Variants in RYR2 observed in about 807,000 individuals in gnomAD.
RYR2 encodes the protein ryanodine receptor 2.
A neutral mutation model predicts 601.1 loss-of-function variants in RYR2; 227 were observed. The ratio of observed to expected loss-of-function variants is 0.38; its 90% CI spans 0.34 to 0.42. The LOEUF is 0.42. Among genes scored for constraint, RYR2 ranks in the 10% least tolerant of loss-of-function variants. RYR2 has a pLI of 1.00. For missense variants in RYR2, 4,646 were observed against 6,156.5 expected (o/e 0.75, Z 8.21); for synonymous variants, 2,223 against 2,175.1 (o/e 1.02, Z -0.61).
At chr1:237,699,338 G>A (rs543997628) in intron 64 of RYR2, among the ~76,000 whole-genome samples, 201 of 152,232 alleles carry the variant, frequency 1.3e-3, no homozygotes, top group African/African-American at 4.5e-3. Flanking sequence ...GCTTCCAGGC[G>A]TGATATTTGT....
intron 25 of RYR2, among the ~76,000 whole-genome samples, chr1:237,531,334 G>T (rs1235471207): frequency 6.6e-6 from 1 of 152,120 alleles, no homozygotes; most frequent in Non-Finnish European, 1.5e-5. Flanking sequence ...TTTCTCATCT[G>T]CCTGTGGGCA....
At chr1:237,092,623 G>T (rs2148470243) in intron 1 of RYR2, among the ~76,000 whole-genome samples, 1 of 151,154 alleles carries the variant, frequency 6.6e-6, no homozygotes, top group Middle Eastern at 3.4e-3. Context: ...TCCGCCTCCT[G>T]GGTTCAAGTG....
intron 24 of RYR2, among the ~76,000 whole-genome samples, chr1:237,514,534 A>C (rs1302574969): frequency 6.6e-6 from 1 of 152,220 alleles, no homozygotes; most frequent in Non-Finnish European, 1.5e-5. Flanking sequence ...TTACAAATTG[A>C]ATTAGGGGAA....
chr1:237,509,136 A>C (rs1316827416), intron 23 of RYR2, among the ~76,000 whole-genome samples: 1 of 152,130 alleles, frequency 6.6e-6, no homozygotes, highest in Non-Finnish European at 1.5e-5. Flanking sequence ...AGGCCAGTTG[A>C]GGCAACACTG....
chr1:237,740,086 C>T (rs751691905), intron 79 of RYR2, among the ~76,000 whole-genome samples: 72 of 152,226 alleles, frequency 4.7e-4, no homozygotes, highest in Non-Finnish European at 7.8e-4. Context: ...AAAGCCAAAT[C>T]CTGCTACAGG....
intron 101 of RYR2, among the ~76,000 whole-genome samples, chr1:237,825,516 A>C (rs1185559467): frequency 6.6e-6 from 1 of 152,198 alleles, no homozygotes; most frequent in Non-Finnish European, 1.5e-5. Flanking sequence ...AAATTGACTC[A>C]AGATCGATTA....
chr1:237,662,927 C>T (rs1435899089), intron 56 of RYR2, among the ~76,000 whole-genome samples: 1 of 152,258 alleles, frequency 6.6e-6, no homozygotes, highest in East Asian at 1.9e-4. Flanking sequence ...TCTCTGTTTG[C>T]CTCATTAAGT....
intron 33 of RYR2, among the ~76,000 whole-genome samples, chr1:237,594,885 G>GGTTTTTT (rs1675634830): frequency 2.5e-5 from 2 of 79,048 alleles, no homozygotes; most frequent in African/African-American, 1.4e-4. Context: ...AATATCACTG[G>GGTTTTTT]GTTTTTTTTT....
intron 1 of RYR2, among the ~76,000 whole-genome samples, chr1:237,169,849 G>C (rs1170811542): frequency 8.0e-6 from 1 of 125,302 alleles, no homozygotes; most frequent in East Asian, 2.1e-4. Context: ...TAAGCATGTG[G>C]ATCTCCTATC....
rs2543040 is a variant in RYR2, at chr1:237,344,804, T to C, written c.274-11161T>C. ...ACTAGTAGCTTTATAGTAAGTCTTT[T>C]TTATTTATTTATTTATTTTTTGAGA... On this transcript the variant is annotated intron_variant, in intron 3 of 104. Transcript: ENST00000366574. 8.3e-3 allele frequency among the ~76,000 whole-genome samples: 1,268 copies of C among 152,136 alleles called. 23 individuals are homozygous for C. The highest frequency in any genetic ancestry group is 0.029 in the African/African-American group (1,213 of 41,520).
intron 13 of RYR2, 67 bp from the exon 14 acceptor site, chr1:237,445,333 AC>A (rs1708234573): frequency 1.3e-6 from 2 of 1,595,346 alleles, no homozygotes; most frequent in Non-Finnish European, 8.6e-7. Flanking sequence ...GTTTGAGTAC[AC>A]ATCTCCCTAA....
At chr1:237,532,760 T>C (rs560922101) in intron 25 of RYR2, among the ~76,000 whole-genome samples, 1 of 152,224 alleles carries the variant, frequency 6.6e-6, no homozygotes, top group Non-Finnish European at 1.5e-5. Context: ...TGTGTGTGTA[T>C]GTATTTGGGA....
chr1:237,430,489 G>A (rs1706697316), intron 12 of RYR2, among the ~76,000 whole-genome samples: 2 of 151,882 alleles, frequency 1.3e-5, no homozygotes, highest in African/African-American at 4.8e-5. Context: ...TGGTAGTTGT[G>A]GAAGGATATA....
chr1:237,156,953 C>T (rs1375718275), intron 1 of RYR2, among the ~76,000 whole-genome samples: 1 of 152,142 alleles, frequency 6.6e-6, no homozygotes, highest in Non-Finnish European at 1.5e-5. Flanking sequence ...TAAAGTAGTA[C>T]AGCCACTGTG....
At chr1:237,399,093 C>T (rs983986555) in intron 10 of RYR2, among the ~76,000 whole-genome samples, 2 of 152,044 alleles carry the variant, frequency 1.3e-5, no homozygotes, top group African/African-American at 4.8e-5. Flanking sequence ...TACACAGGAG[C>T]CTGAGGCAGT....
At chr1:237,594,196 C>T (rs1675547257) in intron 33 of RYR2, among the ~76,000 whole-genome samples, 1 of 152,114 alleles carries the variant, frequency 6.6e-6, no homozygotes, top group Admixed American at 6.5e-5. Flanking sequence ...TCAAACCAAA[C>T]CTTCAAAAAA....
intron 12 of RYR2, among the ~76,000 whole-genome samples, chr1:237,432,841 T>C (rs4330910): frequency 0.82 from 123,882 of 151,178 alleles, 50,993 homozygotes; most frequent in East Asian, 1. Context: ...TCTGGATAAC[T>C]TACTTCCTTT....
chr1:237,170,248 T>G (rs1572083408), intron 1 of RYR2, among the ~76,000 whole-genome samples: 2 of 152,290 alleles, frequency 1.3e-5, no homozygotes, highest in East Asian at 3.9e-4. Context: ...GTCATAATGA[T>G]GAAAAGGAGC....
intron 1 of RYR2, among the ~76,000 whole-genome samples, chr1:237,124,784 G>A (rs1384431509): frequency 2.6e-5 from 4 of 151,914 alleles, no homozygotes; most frequent in African/African-American, 9.7e-5. Context: ...TTGGTGGGGG[G>A]CGCGGGGGGC....
Sources: allele counts gnomAD v4.1 joint callset (sites outside exome capture counted in the v4.1 genomes callset), GRCh38; gene constraint gnomAD v4.1.1; transcripts MANE v1.5; gene names NCBI Gene and HGNC (gene_info 2026-07-23, HGNC 2026-07-21).